CNTNAP5: variants seen among roughly 807,000 people sequenced by gnomAD.
CNTNAP5 encodes contactin-associated protein-like 5.
In CNTNAP5, 72 loss-of-function variants were observed where a neutral mutation model predicts 150.2. The observed-to-expected ratio is 0.48, with a 90% confidence interval of 0.40 to 0.58. The LOEUF is 0.58. Among genes scored for constraint, CNTNAP5 ranks in the 20% least tolerant of loss-of-function variants. The probability of loss-of-function intolerance (pLI) is 0.00; values close to 1 mark genes in which losing one functional copy is unlikely to be tolerated. For synonymous variants in CNTNAP5, 672 were observed against 619.8 expected (o/e 1.08, Z -1.25); for missense variants, 1,636 against 1,626.2 (o/e 1.01, Z -0.10).
intron 7 of CNTNAP5, among the ~76,000 whole-genome samples, 173 bp from the exon 8 acceptor site, chr2:124,504,119 C>T (rs939446332): frequency 6.6e-6 from 1 of 152,110 alleles, no homozygotes; most frequent in Non-Finnish European, 1.5e-5. Context: ...GAGCGGAAAA[C>T]GATCTTGTGA....
At chr2:124,429,781 A>G (rs1263670798) in intron 4 of CNTNAP5, among the ~76,000 whole-genome samples, 2 of 152,166 alleles carry the variant, frequency 1.3e-5, no homozygotes, top group Non-Finnish European at 2.9e-5. Flanking sequence ...TGGCCTGCAG[A>G]AGAAACTAAC....
At chr2:124,267,387 T>C (rs1573878737) in intron 3 of CNTNAP5, among the ~76,000 whole-genome samples, 1 of 152,152 alleles carries the variant, frequency 6.6e-6, no homozygotes, top group African/African-American at 2.4e-5. Context: ...ACTCTTCTTA[T>C]AGGCAAGAAA....
chr2:124,115,361 A>G (rs1683400343), intron 1 of CNTNAP5, among the ~76,000 whole-genome samples: 2 of 152,162 alleles, frequency 1.3e-5, no homozygotes, highest in African/African-American at 2.4e-5. Context: ...GGAATTTCGG[A>G]CTGAAACTCA....
chr2:124,046,140 G>A (rs908090614), intron 1 of CNTNAP5, among the ~76,000 whole-genome samples: 2 of 152,166 alleles, frequency 1.3e-5, no homozygotes, highest in South Asian at 2.1e-4. Flanking sequence ...CCTGAGTGGT[G>A]TGCCCTTTTC....
At chr2:124,025,943 G>A (rs1412982660) in intron 1 of CNTNAP5, among the ~76,000 whole-genome samples, 1 of 152,110 alleles carries the variant, frequency 6.6e-6, no homozygotes, top group Non-Finnish European at 1.5e-5. Flanking sequence ...CCCTTCTTCC[G>A]TTATCGCAAA....
chr2:124,319,163 A>C (rs1689040830), intron 3 of CNTNAP5, among the ~76,000 whole-genome samples: 1 of 152,188 alleles, frequency 6.6e-6, no homozygotes, highest in African/African-American at 2.4e-5. Context: ...ATACCTATAA[A>C]GGTTCTCTTG....
chr2:124,904,853 A>T (rs1678498073), intron 22 of CNTNAP5, among the ~76,000 whole-genome samples: 1 of 151,856 alleles, frequency 6.6e-6, no homozygotes, highest in African/African-American at 2.4e-5. Context: ...CAAAAGTATG[A>T]TCAACAAGAG....
intron 13 of CNTNAP5, among the ~76,000 whole-genome samples, chr2:124,728,975 G>C (rs1680215509): frequency 6.6e-6 from 1 of 152,020 alleles, no homozygotes; most frequent in Non-Finnish European, 1.5e-5. Context: ...CTCTCACTTT[G>C]TTGGCTGGTA....
At chr2:124,578,349 G>A (rs1374786908) in intron 11 of CNTNAP5, among the ~76,000 whole-genome samples, 7 of 142,878 alleles carry the variant, frequency 4.9e-5, no homozygotes, top group Non-Finnish European at 9.2e-5. Flanking sequence ...AAAAAAAAAA[G>A]ATGCTGAACA....
chr2:124,679,292 C>T (rs1341196312), intron 13 of CNTNAP5, among the ~76,000 whole-genome samples: 4 of 151,802 alleles, frequency 2.6e-5, no homozygotes, highest in Non-Finnish European at 4.4e-5. Flanking sequence ...ATTTGAGATC[C>T]GGGAGTCTTG....
rs75024428 is a variant in CNTNAP5 at position 124,390,881 on chromosome 2, A to G, written c.382-26562A>G. Among the ~76,000 whole-genome samples, 196 of 152,350 alleles carry G rather than the reference A, an allele frequency of 1.3e-3. 2 individuals are homozygous for G. In the East Asian group the frequency reaches 0.026, roughly 20 times the overall value. ...ATTCAGGAAGAGGTACCTACTTTCC[A>G]TAAAGGCAGAAGACTGGAATTGAGA... On this transcript the variant is annotated intron_variant, in intron 3 of 23. Coordinates refer to ENST00000682447, the MANE Select transcript of CNTNAP5 (RefSeq NM_001367498.1).
intron 12 of CNTNAP5, among the ~76,000 whole-genome samples, chr2:124,629,965 C>A (rs1677815397): frequency 7.8e-6 from 1 of 128,810 alleles, no homozygotes; most frequent in Admixed American, 7.6e-5. Context: ...ACTGGAAAAC[C>A]TGGAAGAAAT....
intron 22 of CNTNAP5, 149 bp downstream of exon 22, chr2:124,903,249 A>G (rs1216317955): frequency 5.6e-6 from 3 of 538,104 alleles, no homozygotes; most frequent in Non-Finnish European, 9.9e-6. Context: ...CTGATATTTC[A>G]TGGGTGATTT....
At chr2:124,369,004 A>G (rs969008148) in intron 3 of CNTNAP5, among the ~76,000 whole-genome samples, 1 of 152,114 alleles carries the variant, frequency 6.6e-6, no homozygotes, top group Admixed American at 6.5e-5. Context: ...ATAATTTTTT[A>G]AAAAATAGTT....
Position 124,738,585 on chromosome 2 carries a change from G to T in CNTNAP5, c.2078-8644G>T, listed in dbSNP as rs1258648266. ...CCGTCCTACTAAAAATAAAAAATTA[G>T]CCGGGTGTGGCGGCACACGCCTGTA... On this transcript the variant is annotated intron_variant, in intron 13 of 23. Transcript: ENST00000682447. Among the ~76,000 whole-genome samples, 3 of 152,082 alleles carry T rather than the reference G, an allele frequency of 2.0e-5. No individual in the cohort carries two copies. In the East Asian group the frequency reaches 5.8e-4, roughly 29 times the overall value.
chr2:124,323,371 T>C (rs1451427059), intron 3 of CNTNAP5, among the ~76,000 whole-genome samples: 10 of 152,158 alleles, frequency 6.6e-5, no homozygotes, highest in Non-Finnish European at 1.5e-4. Flanking sequence ...CCTACTCTTA[T>C]AAACAAATGG....
intron 17 of CNTNAP5, among the ~76,000 whole-genome samples, chr2:124,786,492 G>A (rs1300688708): frequency 8.1e-6 from 1 of 123,814 alleles, no homozygotes; most frequent in Admixed American, 8.1e-5. Context: ...AGGAGGGAAG[G>A]AAGGGAGGGA....
intron 3 of CNTNAP5, among the ~76,000 whole-genome samples, chr2:124,334,688 T>G (rs554843760): frequency 6.6e-6 from 1 of 152,202 alleles, no homozygotes; most frequent in Non-Finnish European, 1.5e-5. Context: ...ACTTTTGTTT[T>G]AGGTCAGATT....
At chr2:124,499,349 G>T (rs1237954272) in intron 7 of CNTNAP5, among the ~76,000 whole-genome samples, 2 of 152,140 alleles carry the variant, frequency 1.3e-5, no homozygotes, top group South Asian at 4.1e-4. Context: ...TAGCACACAC[G>T]ACTGTAAGCC....
Sources: allele counts gnomAD v4.1 joint callset (sites outside exome capture counted in the v4.1 genomes callset), GRCh38; gene constraint gnomAD v4.1.1; transcripts MANE v1.5; gene names NCBI Gene and HGNC (gene_info 2026-07-23, HGNC 2026-07-21).